Variants in NBAS observed in about 807,000 individuals in gnomAD.
NBAS encodes the protein NBAS subunit of NRZ tethering complex, also known as NAG/BC035112 fusion.
NBAS carries 219 observed loss-of-function variants against 302.5 expected under a neutral mutation model. The observed-to-expected ratio is 0.72, with a 90% CI of 0.65 to 0.81. The LOEUF (loss-of-function observed/expected upper bound fraction) is 0.81, where lower values mean the gene tolerates loss of function less well. Ranked by LOEUF, NBAS falls within the 30% of genes least tolerant of loss-of-function variation. NBAS has a pLI of 0.00. For synonymous variants in NBAS, 1,118 were observed against 1,021.6 expected, an observed-to-expected ratio of 1.09 and a Z score of -1.80; for missense variants, 2,932 against 2,841.6, an observed-to-expected ratio of 1.03 and a Z score of -0.72.
At chr2:14,906,630 G>A in the NBAS span, among the ~76,000 whole-genome samples, 6 of 152,266 alleles carry the variant, frequency 3.9e-5, no homozygotes, top group African/African-American at 1.4e-4. Flanking sequence ...CTCGACAGGG[G>A]CAGAAGCCCT....
chr2:15,210,579 TA>T (rs1473790917), intron 48 of NBAS, among the ~76,000 whole-genome samples: 2 of 152,102 alleles, frequency 1.3e-5, no homozygotes, highest in African/African-American at 4.8e-5. Context: ...CTCACAAAAC[TA>T]AAAATAGAGC....
intron 51 of NBAS, among the ~76,000 whole-genome samples, chr2:15,176,070 T>A (rs1432688596): frequency 6.6e-6 from 1 of 152,170 alleles, no homozygotes. Flanking sequence ...GCCCTGCTAA[T>A]GGACACGGTG....
intron 51 of NBAS, among the ~76,000 whole-genome samples, chr2:15,172,596 A>G (rs1486253277): frequency 6.6e-6 from 1 of 152,222 alleles, no homozygotes; most frequent in Non-Finnish European, 1.5e-5. Context: ...TTTTAACAAC[A>G]TTTGACTTTT....
the NBAS span, among the ~76,000 whole-genome samples, chr2:14,790,702 A>T: frequency 1.4e-5 from 2 of 137,954 alleles, no homozygotes; most frequent in African/African-American, 2.8e-5. Flanking sequence ...CCCAGGCTGG[A>T]GTGCAACGGT....
chr2:14,872,758 G>T, the NBAS span, among the ~76,000 whole-genome samples: 1 of 151,982 alleles, frequency 6.6e-6, no homozygotes, highest in African/African-American at 2.4e-5. Flanking sequence ...TCATAAACGT[G>T]GCGGGTCCAG....
In NBAS at chr2:15,384,783, A is replaced by T. The variant is rs140496294; in HGVS notation, c.3258-1466T>A. ...ATAATCATGAATATCATTATTCAAG[A>T]AGAGCAGGTTTTTGTTTTAAATTGG... is the stretch of plus-strand genomic sequence containing the variant. On this transcript the variant is annotated intron_variant, in intron 28 of 51. Transcript: ENST00000281513. 4.0e-3 allele frequency among the ~76,000 whole-genome samples: 604 copies of T among 152,336 alleles called. 3 individuals are homozygous for T. The highest frequency in any genetic ancestry group is 0.014 in the African/African-American group (575 of 41,580).
At chr2:15,374,060 T>C (rs190752203) in intron 31 of NBAS, among the ~76,000 whole-genome samples, 4 of 152,224 alleles carry the variant, frequency 2.6e-5, no homozygotes, top group African/African-American at 4.8e-5. Flanking sequence ...TTTGGGATGA[T>C]ACCAAGTTGA....
At chr2:15,380,165 A>G (rs893663781) in intron 29 of NBAS, among the ~76,000 whole-genome samples, 1 of 152,220 alleles carries the variant, frequency 6.6e-6, no homozygotes, top group African/African-American at 2.4e-5. Context: ...AAACAGGATT[A>G]CACATACTGT....
intron 21 of NBAS, among the ~76,000 whole-genome samples, chr2:15,447,175 A>G (rs1042545783): frequency 1.3e-5 from 2 of 152,246 alleles, no homozygotes; most frequent in Non-Finnish European, 2.9e-5. Flanking sequence ...ATATTGAACC[A>G]TGCCTTAAAT....
intron 23 of NBAS, 131 bp from the exon 24 acceptor site, chr2:15,417,843 T>A: frequency 1.2e-6 from 1 of 860,756 alleles, no homozygotes; most frequent in Non-Finnish European, 1.8e-6. Context: ...GTAACATACG[T>A]TTTTTATTTA....
intron 3 of NBAS, among the ~76,000 whole-genome samples, chr2:15,554,473 T>C (rs1197789548): frequency 6.6e-6 from 1 of 151,290 alleles, no homozygotes; most frequent in Non-Finnish European, 1.5e-5. Context: ...GGCTCAACTG[T>C]AACAAAAACA....
chr2:15,388,362 C>T (rs1282394937), intron 28 of NBAS, among the ~76,000 whole-genome samples: 1 of 151,356 alleles, frequency 6.6e-6, no homozygotes, highest in African/African-American at 2.4e-5. Context: ...ATGTTTTCCA[C>T]TTCACTAGTC....
chr2:15,323,593 G>A (rs141798493), intron 38 of NBAS, among the ~76,000 whole-genome samples: 162 of 152,208 alleles, frequency 1.1e-3, no homozygotes, highest in Non-Finnish European at 1.9e-3. Context: ...TGCTCTGGGC[G>A]GCTGAGATGG....
At chr2:15,083,436 A>G in the NBAS span, among the ~76,000 whole-genome samples, 9 of 152,232 alleles carry the variant, frequency 5.9e-5, no homozygotes, top group Non-Finnish European at 1.5e-5. Context: ...TTTGTTCAGA[A>G]GGAACAAAAT....
At chr2:15,058,901 G>C in the NBAS span, among the ~76,000 whole-genome samples, 1 of 152,142 alleles carries the variant, frequency 6.6e-6, no homozygotes, top group African/African-American at 2.4e-5. Context: ...AAATCCCTTA[G>C]GTTTCCTTCT....
rs369283166 is a variant in NBAS, at chr2:15,309,243, G to A, written c.4587C>T (p.Leu1529=). ...KGEVFPTTEV[L]LQLASEALPN... is the part of the protein sequence containing the mutation. ...GCAAGGCTTCACTTGCTAGTTGCAA[G>A]AGAACTGAATGCAGAAAAAGAAACA... is the stretch of plus-strand genomic sequence containing the variant. The change falls in exon 39 of 52, where the codon CTC becomes CTT. Residue 1529 remains leucine, a synonymous_variant. Coordinates refer to ENST00000281513, the MANE Select transcript of NBAS (RefSeq NM_015909.4). 1 of 1,610,886 alleles carries A rather than the reference G, an allele frequency of 6.2e-7. No homozygotes were observed. The highest frequency in any genetic ancestry group is 1.1e-5 in the South Asian group (1 of 90,932).
At chr2:15,203,299 T>C (rs757263893) in intron 48 of NBAS, among the ~76,000 whole-genome samples, 30 of 152,306 alleles carry the variant, frequency 2.0e-4, no homozygotes, top group Admixed American at 5.9e-4. Context: ...TATTTCCTTA[T>C]GTGATGAATG....
chr2:15,493,120 G>A (rs184347943), intron 11 of NBAS, among the ~76,000 whole-genome samples: 5 of 152,232 alleles, frequency 3.3e-5, no homozygotes, highest in Admixed American at 6.5e-5. Context: ...TTCTGCCCTC[G>A]TTCTATCTCC....
At chr2:15,154,668 G>A in the NBAS span, among the ~76,000 whole-genome samples, 1 of 152,218 alleles carries the variant, frequency 6.6e-6, no homozygotes, top group Non-Finnish European at 1.5e-5. Flanking sequence ...TATAGGAGCA[G>A]TACATCCTTC....
Sources: gnomAD v4.1 joint callset for allele counts (sites outside exome capture counted in the v4.1 genomes callset) on GRCh38, gnomAD v4.1.1 for gene constraint, MANE v1.5 for transcripts, NCBI Gene and HGNC (gene_info 2026-07-23, HGNC 2026-07-21) for gene names.